BLTP1: variants seen among roughly 807,000 people sequenced by gnomAD.
The protein encoded by BLTP1 is fragile site-associated protein.
the BLTP1 span, chr4:122,208,174 T>A: frequency 4.0e-5 from 36 of 891,468 alleles, no homozygotes; most frequent in Non-Finnish European, 8.1e-6. Context: ...AAACATTTTC[T>A]GGGTACTACA....
chr4:122,152,661 C>T, the BLTP1 span: 7 of 983,124 alleles, frequency 7.1e-6, no homozygotes, highest in Non-Finnish European at 6.0e-6. Flanking sequence ...TCAACCTGGT[C>T]GGAGTCTGAG....
chr4:122,324,611 G>T, the BLTP1 span: 1 of 1,155,070 alleles, frequency 8.7e-7, no homozygotes, highest in South Asian at 1.7e-5. Flanking sequence ...ACTTTTTTAT[G>T]TTCTAATTAT....
At chr4:122,261,530 G>A in the BLTP1 span, 1 of 983,088 alleles carries the variant, frequency 1.0e-6, no homozygotes, top group Middle Eastern at 5.2e-4. Context: ...GAAAAATTCT[G>A]TAATTTTTAA....
chr4:122,356,923 C>CTATA, the BLTP1 span: 1 of 985,004 alleles, frequency 1.0e-6, no homozygotes. Flanking sequence ...TGAGTACTTG[C>CTATA]TATATATACA....
the BLTP1 span, among the ~76,000 whole-genome samples, chr4:122,223,430 T>C: frequency 6.6e-6 from 1 of 152,188 alleles, no homozygotes; most frequent in Non-Finnish European, 1.5e-5. Context: ...TGTGAAGAAA[T>C]CTGTCTAATC....
At chr4:122,262,693 A>G in the BLTP1 span, 3 of 1,498,902 alleles carry the variant, frequency 2.0e-6, no homozygotes, top group Admixed American at 4.5e-5. Flanking sequence ...CAGTAATAGT[A>G]ATAGTGGTTG....
At chr4:122,245,054 C>G in the BLTP1 span, 7 of 1,611,940 alleles carry the variant, frequency 4.3e-6, no homozygotes, top group Non-Finnish European at 5.9e-6. Context: ...TGCTAGTACC[C>G]GACATCCAGC....
the BLTP1 span, among the ~76,000 whole-genome samples, chr4:122,273,604 A>G: frequency 6.6e-6 from 1 of 152,048 alleles, no homozygotes; most frequent in Non-Finnish European, 1.5e-5. Context: ...AATTGATATA[A>G]ATTGGTTTAA....
the BLTP1 span, chr4:122,196,803 A>T: frequency 1.4e-6 from 2 of 1,400,590 alleles, no homozygotes; most frequent in African/African-American, 2.9e-5. Flanking sequence ...TAATTATTAT[A>T]ATAATATAGT....
the BLTP1 span, chr4:122,200,505 G>T: frequency 2.4e-6 from 2 of 830,526 alleles, no homozygotes; most frequent in Non-Finnish European, 2.9e-6. Context: ...GCTTGAAGCT[G>T]GGAGGCGGAG....
the BLTP1 span, among the ~76,000 whole-genome samples, chr4:122,185,663 A>T: frequency 6.6e-6 from 1 of 152,126 alleles, no homozygotes; most frequent in East Asian, 1.9e-4. Flanking sequence ...TAAATAAAGC[A>T]TCATACTTTA....
chr4:122,343,698 C>G, the BLTP1 span: 1 of 1,382,578 alleles, frequency 7.2e-7, no homozygotes, highest in East Asian at 2.3e-5. Flanking sequence ...AAGGACATAG[C>G]CAAGATCAGA....
chr4:122,199,551 C>A, the BLTP1 span: 1 of 999,554 alleles, frequency 1.0e-6, no homozygotes, highest in Admixed American at 2.0e-5. Context: ...ATCAAATGGT[C>A]CATCTTCTAG....
At chr4:122,277,530 A>G in the BLTP1 span, 6 of 952,258 alleles carry the variant, frequency 6.3e-6, no homozygotes, top group Non-Finnish European at 7.5e-6. Flanking sequence ...TTAATCTCCC[A>G]GGAACTGTTC....
chr4:122,315,760 G>A, the BLTP1 span: 1 of 1,400,966 alleles, frequency 7.1e-7, no homozygotes, highest in African/African-American at 1.4e-5. Flanking sequence ...TTTGTTCAGT[G>A]TTATTTAGTA....
At chr4:122,251,774 T>C in the BLTP1 span, among the ~76,000 whole-genome samples, 16 of 152,314 alleles carry the variant, frequency 1.1e-4, no homozygotes, top group South Asian at 3.1e-3. Context: ...TTCTTCTTCT[T>C]AAATGTGGTG....
At chr4:122,313,715 GT>G in the BLTP1 span, 1 of 1,298,042 alleles carries the variant, frequency 7.7e-7, no homozygotes, top group South Asian at 1.4e-5. Context: ...ATTATTTTAT[GT>G]TAGATAGAAT....
At chr4:122,357,695 A>G in the BLTP1 span, among the ~76,000 whole-genome samples, 2 of 152,308 alleles carry the variant, frequency 1.3e-5, no homozygotes, top group African/African-American at 2.4e-5. Context: ...TACAAAATAT[A>G]TGGCCATTTA....
the BLTP1 span, among the ~76,000 whole-genome samples, chr4:122,158,986 A>T: frequency 6.6e-6 from 1 of 152,078 alleles, no homozygotes; most frequent in Non-Finnish European, 1.5e-5. Flanking sequence ...TCATTTGCTG[A>T]TTTATAGTGT....
Sources: allele counts gnomAD v4.1 joint callset (sites outside exome capture counted in the v4.1 genomes callset), GRCh38; gene constraint gnomAD v4.1.1; transcripts MANE v1.5; gene names NCBI Gene and HGNC (gene_info 2026-07-23, HGNC 2026-07-21).